Variants in IGF2R observed in about 807,000 individuals in gnomAD.
IGF2R encodes insulin like growth factor 2 receptor, also known as cation-independent mannose-6-phosphate receptor.
A neutral mutation model predicts 270.6 loss-of-function variants in IGF2R; 91 were observed. The observed-to-expected ratio is 0.34, with a 90% CI of 0.28 to 0.40. The LOEUF is 0.40. Ranked by LOEUF, IGF2R falls within the 10% of genes least tolerant of loss-of-function variation. The probability of loss-of-function intolerance (pLI) is 1.00; values close to 1 mark genes in which losing one functional copy is unlikely to be tolerated. For synonymous variants in IGF2R, 1,316 were observed against 1,258.9 expected (o/e 1.05, Z -0.96); for missense variants, 2,805 against 3,188.3 (o/e 0.88, Z 2.90).
At chr6:160,054,061 G>A (rs993581347) in intron 19 of IGF2R, among the ~76,000 whole-genome samples, 4 of 152,246 alleles carry the variant, frequency 2.6e-5, no homozygotes, top group Non-Finnish European at 5.9e-5. Flanking sequence ...GGAAAGGAGA[G>A]CTTTATTTCT....
chr6:159,969,816 A>G (rs570293243), intron 1 of IGF2R, among the ~76,000 whole-genome samples: 1 of 152,144 alleles, frequency 6.6e-6, no homozygotes, highest in African/African-American at 2.4e-5. Flanking sequence ...GGCACCGGTG[A>G]GGCCCCTCGG....
At chr6:160,028,866 G>A (rs1051583885) in intron 6 of IGF2R, among the ~76,000 whole-genome samples, 15 of 150,612 alleles carry the variant, frequency 1.0e-4, no homozygotes, top group African/African-American at 3.4e-4. Context: ...ATTTACAACC[G>A]TTTTTTGCTT....
intron 44 of IGF2R, 28 bp from the exon 45 acceptor site, chr6:160,096,411 T>TG: frequency 6.3e-7 from 1 of 1,592,776 alleles, no homozygotes. Context: ...GATGGTGACA[T>TG]GCCATGTGTG....
chr6:160,097,033 C>G (rs984793689), intron 45 of IGF2R, among the ~76,000 whole-genome samples: 5 of 152,218 alleles, frequency 3.3e-5, no homozygotes, highest in Non-Finnish European at 7.3e-5. Context: ...TGTCGTAATA[C>G]AAATGATTGT....
In IGF2R at chr6:160,108,989, T is replaced by C. The variant is rs1016755664; in HGVS notation, c.*3905T>C. 1 of 152,330 alleles carries C rather than the reference T, an allele frequency of 6.6e-6. No individual in the cohort carries two copies. Among genetic ancestry groups the C allele is most frequent in the African/African-American group, 2.4e-5 (1 of 41,472 alleles). The allele number at this position is 152,330 out of a possible 1,614,324, so 9.4% of individuals were successfully genotyped here. On this transcript the variant is annotated 3_prime_UTR_variant, in exon 48 of 48. Coordinates refer to ENST00000356956, the MANE Select transcript of IGF2R (RefSeq NM_000876.4). Reference sequence around the variant, plus strand: ...AGCCACCGTGCCCAGCCAGGTCTTTTTCTTAAAGAGGGACAGACTGAAGGT... The same window carrying C: ...AGCCACCGTGCCCAGCCAGGTCTTTCTCTTAAAGAGGGACAGACTGAAGGT...
chr6:160,087,920 C>T (rs761022899), intron 41 of IGF2R, 113 bp from the exon 42 acceptor site: 9 of 678,834 alleles, frequency 1.3e-5, no homozygotes, highest in Non-Finnish European at 1.9e-5. Flanking sequence ...AAGTGATCTG[C>T]CCTCTTTGGT....
intron 4 of IGF2R, among the ~76,000 whole-genome samples, chr6:160,013,004 G>A (rs1784362314): frequency 6.6e-6 from 1 of 152,044 alleles, no homozygotes; most frequent in South Asian, 2.1e-4. Context: ...TGCGGTGACA[G>A]TGGTGCCCTC....
intron 41 of IGF2R, among the ~76,000 whole-genome samples, 197 bp from the exon 42 acceptor site, chr6:160,087,836 C>G (rs1023037927): frequency 6.6e-6 from 1 of 152,016 alleles, no homozygotes; most frequent in African/African-American, 2.4e-5. Flanking sequence ...CCACCGTGCC[C>G]GAATAATTTT....
At chr6:160,071,843 G>A in intron 31 of IGF2R, 67 bp from the exon 32 acceptor site, 5 of 1,588,988 alleles carry the variant, frequency 3.1e-6, no homozygotes, top group Non-Finnish European at 3.4e-6. Flanking sequence ...CCACTTGTAA[G>A]TTGAAATCAT....
rs1196014783 is a variant in IGF2R, at chr6:160,084,184, C to T, written c.6068C>T (p.Ser2023Leu). Residue 2023 changes from serine (S) to leucine (L), a missense_variant and splice_region_variant, in exon 40 of 48, where the codon TCG (serine) becomes TTG (leucine). By Grantham distance (145) the Ser-to-Leu change is moderately radical. This residue lies in a region of IGF2R where 1,851 missense variants were observed against 2,207.2 expected (regional missense o/e 0.84). Transcript: ENST00000356956. The surrounding 1 kb of genome is among the most constrained non-coding windows in gnomAD (Gnocchi z 4.6). ...TGGTCCCTCGTCCACAACGGAGTCT[C>T]GTGAGTGCCTTCCCAGTCCACCCGC... ...GSWSLVHNGV[S>L]YYINLCQKIY... The T allele has an allele frequency of 2.6e-5, 41 of 1,585,704 alleles. No homozygotes were observed. The highest frequency in any genetic ancestry group is 3.6e-5 in the Non-Finnish European group (41 of 1,154,290).
chr6:160,088,246 G>T (rs907196172), intron 42 of IGF2R, 99 bp downstream of exon 42: 2 of 788,614 alleles, frequency 2.5e-6, no homozygotes, highest in Middle Eastern at 3.5e-4. Flanking sequence ...TGAGTCTTAG[G>T]AGCTCAGGGC....
In IGF2R at chr6:160,107,882, T is replaced by G. The variant is rs1779656442; in HGVS notation, c.*2798T>G. ...CAAAGAACTCTTTTTCCCTGAATCA[T>G]TTGAGATGAAGTTTCTTCCCATCAC... On this transcript the variant is annotated 3_prime_UTR_variant, in exon 48 of 48. Transcript: ENST00000356956. 1 of 152,208 alleles carries G rather than the reference T, an allele frequency of 6.6e-6. No individual in the cohort carries two copies. Among genetic ancestry groups the G allele is most frequent in the Non-Finnish European group, 1.5e-5 (1 of 68,034 alleles). The allele number at this position is 152,208 out of a possible 1,614,324, so 9.4% of individuals were successfully genotyped here.
chr6:159,969,433 GC>G, intron 1 of IGF2R, 38 bp downstream of exon 1: 1 of 1,192,248 alleles, frequency 8.4e-7, no homozygotes, highest in African/African-American at 1.6e-5. Flanking sequence ...CGCTCGCGGT[GC>G]CCGGGGTGAG....
At chr6:160,041,120 G>A (rs1462734582) in intron 11 of IGF2R, among the ~76,000 whole-genome samples, 1 of 152,178 alleles carries the variant, frequency 6.6e-6, no homozygotes, top group Non-Finnish European at 1.5e-5. Context: ...TGCACGGCAG[G>A]CACCGGATGA....
chr6:160,059,445 A>G (rs1442178336), intron 22 of IGF2R, among the ~76,000 whole-genome samples: 2 of 152,168 alleles, frequency 1.3e-5, no homozygotes, highest in African/African-American at 4.8e-5. Context: ...TTACAAATTG[A>G]GCTTCATCCT....
At chr6:159,995,753 G>GT (rs1443050047) in intron 2 of IGF2R, among the ~76,000 whole-genome samples, 2 of 151,882 alleles carry the variant, frequency 1.3e-5, no homozygotes, top group African/African-American at 2.4e-5. Context: ...CTTTGTGTTG[G>GT]TTTTTTGACT....
At chr6:159,996,523 CAG>C (rs968207460) in intron 2 of IGF2R, among the ~76,000 whole-genome samples, 2 of 152,152 alleles carry the variant, frequency 1.3e-5, no homozygotes, top group African/African-American at 2.4e-5. Flanking sequence ...CCAGCCCTAA[CAG>C]GGGTAGCAGG....
In IGF2R at chr6:160,105,020, C is replaced by T; in HGVS notation, c.7412C>T (p.Thr2471Ile). The change falls in exon 48 of 48, where the codon ACA becomes ATA. Residue 2471 changes from threonine (T) to isoleucine (I), a missense_variant. Physicochemically the swap from Thr to Ile is moderately conservative, Grantham distance 89. Transcript: ENST00000356956. ...AAGTCCAGCTCTGCACAGCAGAAGACAGTGAGCTCCACCAAGCTGGTGTCC... is the reference window on the plus strand; with the variant it reads ...AAGTCCAGCTCTGCACAGCAGAAGATAGTGAGCTCCACCAAGCTGGTGTCC... ...KGKSSSAQQKTVSSTKLVSFH... is the reference protein window; with the variant it reads ...KGKSSSAQQKIVSSTKLVSFH... The T allele has an allele frequency of 6.2e-7, 1 of 1,612,854 alleles. No individual in the cohort carries two copies. Among genetic ancestry groups the T allele is most frequent in the African/African-American group, 1.3e-5 (1 of 75,046 alleles).
intron 4 of IGF2R, among the ~76,000 whole-genome samples, chr6:160,020,049 T>C (rs1308798581): frequency 6.6e-6 from 1 of 152,168 alleles, no homozygotes; most frequent in African/African-American, 2.4e-5. Context: ...ATCTTATACC[T>C]AGAAAACTCT....
Sources: allele counts gnomAD v4.1 joint callset (sites outside exome capture counted in the v4.1 genomes callset), GRCh38; gene constraint gnomAD v4.1.1; regional missense constraint gnomAD v4.1.1; non-coding constraint Gnocchi (gnomAD v3.1); transcripts MANE v1.5; gene names NCBI Gene and HGNC (gene_info 2026-07-23, HGNC 2026-07-21).